GNB5: variants seen among roughly 807,000 people sequenced by gnomAD.
GNB5 encodes the protein G protein subunit beta 5, also known as guanine nucleotide-binding protein subunit beta-5.
GNB5 carries 37 observed loss-of-function variants against 55.3 expected under a neutral mutation model. The ratio of observed to expected loss-of-function variants is 0.67; its 90% CI spans 0.51 to 0.88. The LOEUF (loss-of-function observed/expected upper bound fraction) is 0.88. GNB5 is among the 40% of genes least tolerant of loss of function. The pLI is 0.00. For synonymous variants in GNB5, 219 were observed against 198.5 expected (o/e 1.10, Z -0.87); for missense variants, 476 against 515.3 (o/e 0.92, Z 0.74).
At chr15:52,135,592 G>A (rs1324869865) in intron 8 of GNB5, 21 bp downstream of exon 8, 1 of 1,610,592 alleles carries the variant, frequency 6.2e-7, no homozygotes, top group Non-Finnish European at 8.5e-7. Flanking sequence ...GAGCCCTAGG[G>A]AATTTCCACT....
chr15:52,143,119 C>T (rs1004145001), intron 6 of GNB5, among the ~76,000 whole-genome samples: 14 of 151,296 alleles, frequency 9.3e-5, no homozygotes, highest in African/African-American at 2.9e-4. Flanking sequence ...CACACCACCG[C>T]ACTCCAGCCT....
chr15:52,149,994 T>C (rs1273880336), intron 4 of GNB5, 69 bp from the exon 5 acceptor site: 7 of 1,188,664 alleles, frequency 5.9e-6, no homozygotes, highest in East Asian at 2.3e-5. Context: ...GAATTCCTCA[T>C]AAAAGCTGTG....
Position 52,126,018 on chromosome 15 carries a change from A to G in GNB5, c.939T>C (p.Asp313=), listed in dbSNP as rs775008012. Residue 313 remains aspartate (D), a synonymous_variant, in exon 11 of 13, where the codon GAT becomes GAC. Coordinates refer to ENST00000261837, the MANE Select transcript of GNB5 (RefSeq NM_016194.4). ...CTTTGGAATAGATGGCAACCTCCCTATCTGCCCGCAGGTCATAGAGGCGAC... is the reference window on the plus strand; with the variant it reads ...CTTTGGAATAGATGGCAACCTCCCTGTCTGCCCGCAGGTCATAGAGGCGAC... The part of the protein sequence containing the change: ...ATCRLYDLRA[D]REVAIYSKES... 6.3e-7 allele frequency: 1 copy of G among 1,583,098 alleles called. No homozygotes were observed. The highest frequency in any genetic ancestry group is 8.7e-7 in the Non-Finnish European group (1 of 1,154,420).
At chr15:52,124,394 C>T (rs6493536) in intron 12 of GNB5, 79 bp downstream of exon 12, 7 of 1,189,112 alleles carry the variant, frequency 5.9e-6, no homozygotes, top group Non-Finnish European at 6.1e-6. Flanking sequence ...ACTCTGATAG[C>T]CTTCCCTCTG....
chr15:52,134,015 G>A (rs1415368663), intron 8 of GNB5, among the ~76,000 whole-genome samples: 2 of 152,344 alleles, frequency 1.3e-5, no homozygotes, highest in Admixed American at 1.3e-4. Flanking sequence ...CAGCATGCTG[G>A]GCTGGGAATC....
At chr15:52,182,375 A>C (rs2034784265) in intron 2 of GNB5, among the ~76,000 whole-genome samples, 1 of 152,118 alleles carries the variant, frequency 6.6e-6, no homozygotes, top group Non-Finnish European at 1.5e-5. Context: ...TGTGTGGTTC[A>C]AGGTCCTCCT....
chr15:52,129,145 G>A (rs1377501467), intron 9 of GNB5, among the ~76,000 whole-genome samples: 1 of 151,756 alleles, frequency 6.6e-6, no homozygotes, highest in Non-Finnish European at 1.5e-5. Context: ...TAGTAGAGAC[G>A]GGGTTTCACC....
At chr15:52,187,360 C>CAG (rs777554176) in intron 1 of GNB5, among the ~76,000 whole-genome samples, 1 of 150,014 alleles carries the variant, frequency 6.7e-6, no homozygotes, top group African/African-American at 2.4e-5. Context: ...AGAAGTAGGT[C>CAG]AGAGAGAGAG....
chr15:52,142,561 G>GT (rs35448038), intron 6 of GNB5, among the ~76,000 whole-genome samples: 147 of 147,084 alleles, frequency 1.0e-3, no homozygotes, highest in African/African-American at 2.6e-3. Context: ...AGCCAGCTGT[G>GT]TTTTTTTTTT....
intron 6 of GNB5, among the ~76,000 whole-genome samples, chr15:52,143,167 A>AG (rs2033896106): frequency 4.0e-5 from 4 of 99,994 alleles, no homozygotes; most frequent in South Asian, 3.5e-4. Flanking sequence ...AAAAAAAGAG[A>AG]AAAAAAAAAA....
intron 7 of GNB5, among the ~76,000 whole-genome samples, chr15:52,140,479 C>A (rs1378149649): frequency 6.6e-6 from 1 of 152,242 alleles, no homozygotes; most frequent in Non-Finnish European, 1.5e-5. Flanking sequence ...CCCAGTTCCC[C>A]CACTGTCCAA....
At chr15:52,133,319 A>C in intron 9 of GNB5, 59 bp downstream of exon 9, 3 of 1,192,798 alleles carry the variant, frequency 2.5e-6, no homozygotes, top group Non-Finnish European at 2.5e-6. Flanking sequence ...GCTAAGGATT[A>C]CCCAAGCCAG....
At chr15:52,123,233 C>T (rs2033320054) in intron 12 of GNB5, among the ~76,000 whole-genome samples, 1 of 152,198 alleles carries the variant, frequency 6.6e-6, no homozygotes, top group Non-Finnish European at 1.5e-5. Context: ...CTAGACTACT[C>T]AACTTACCCT....
chr15:52,167,960 A>C (rs2034482509), intron 3 of GNB5, among the ~76,000 whole-genome samples: 1 of 152,240 alleles, frequency 6.6e-6, no homozygotes, highest in Non-Finnish European at 1.5e-5. Flanking sequence ...ACATCCCTTC[A>C]TGTTAAAAAC....
At chr15:52,172,947 C>T (rs1325150032) in intron 3 of GNB5, among the ~76,000 whole-genome samples, 1 of 151,992 alleles carries the variant, frequency 6.6e-6, no homozygotes, top group Non-Finnish European at 1.5e-5. Flanking sequence ...TTTTCTTTTA[C>T]TGAATAAAAA....
At chr15:52,135,189 C>T (rs750026525) in intron 8 of GNB5, among the ~76,000 whole-genome samples, 1 of 152,028 alleles carries the variant, frequency 6.6e-6, no homozygotes, top group Non-Finnish European at 1.5e-5. Flanking sequence ...GGCATCACAG[C>T]GTTGCCTCAG....
Position 52,141,187 on chromosome 15 carries a change from G to C in GNB5, c.580C>G (p.His194Asp). ...CTGCAGGCCGACAGGTAGTTGGTGT[G>C]CATAGCAACAGACTTCTTTTTGGCA... is the stretch of plus-strand genomic sequence containing the variant. ...MAAKKKSVAMHTNYLSACSFT... is the reference protein window; with the variant it reads ...MAAKKKSVAMDTNYLSACSFT... Residue 194 changes from histidine to aspartate, a missense_variant, in exon 7 of 13, where the codon CAC (histidine) becomes GAC (aspartate). By Grantham distance (81) the His-to-Asp change is moderately conservative (BLOSUM62 -1). Transcript: ENST00000261837. 2 of 1,613,996 alleles carry C rather than the reference G, an allele frequency of 1.2e-6. No homozygotes were observed. Among genetic ancestry groups the C allele is most frequent in the Non-Finnish European group, 1.7e-6 (2 of 1,179,872 alleles).
intron 7 of GNB5, among the ~76,000 whole-genome samples, chr15:52,136,584 G>T (rs914965846): frequency 6.6e-5 from 10 of 152,192 alleles, no homozygotes; most frequent in Admixed American, 6.5e-4. Flanking sequence ...GCAGCATCTT[G>T]TTGGACATTC....
At chr15:52,164,428 C>T (rs935335023) in intron 3 of GNB5, among the ~76,000 whole-genome samples, 2 of 151,192 alleles carry the variant, frequency 1.3e-5, no homozygotes, top group Admixed American at 1.3e-4. Context: ...ACATTCTTGG[C>T]TAACACGGTG....
Sources: allele counts gnomAD v4.1 joint callset (sites outside exome capture counted in the v4.1 genomes callset), GRCh38; gene constraint gnomAD v4.1.1; transcripts MANE v1.5; gene names NCBI Gene and HGNC (gene_info 2026-07-23, HGNC 2026-07-21).